RO60: variants seen among roughly 807,000 people sequenced by gnomAD.
RO60 encodes RNA-binding protein RO60.
RO60 carries 20 observed loss-of-function variants against 55.3 expected under a neutral mutation model. That is an observed-to-expected ratio of 0.36 (90% CI 0.25 to 0.53). The LOEUF (loss-of-function observed/expected upper bound fraction) is 0.53, where lower values mean the gene tolerates loss of function less well. RO60 is among the 20% of genes least tolerant of loss of function. RO60 has a pLI of 0.92. For missense variants in RO60, 558 were observed against 646.6 expected, an observed-to-expected ratio of 0.86 and a Z score of 1.49; for synonymous variants, 213 against 213.6, an observed-to-expected ratio of 1.00 and a Z score of 0.02.
rs1308552474 is a variant in RO60 at position 193,089,132 on chromosome 1, A to G, written c.*4401A>G. 1 of 152,170 alleles carries G rather than the reference A, an allele frequency of 6.6e-6. No homozygotes were observed. The highest frequency in any genetic ancestry group is 1.5e-5 in the Non-Finnish European group (1 of 68,006). The allele number at this position is 152,170 out of a possible 1,614,324, so 9.4% of individuals were successfully genotyped here. ...TTATATTGTATATCTTTTATATTAGATGTTTGCAGAAATTCTGTGGCCTTT... is the reference window on the plus strand; with the variant it reads ...TTATATTGTATATCTTTTATATTAGGTGTTTGCAGAAATTCTGTGGCCTTT... On this transcript the variant is annotated 3_prime_UTR_variant, in exon 9 of 9. Transcript: ENST00000400968.
chr1:193,065,769 T>C (rs914937822), intron 1 of RO60, among the ~76,000 whole-genome samples: 3 of 152,238 alleles, frequency 2.0e-5, no homozygotes, highest in African/African-American at 7.2e-5. Flanking sequence ...TTGTCCCTAA[T>C]GACTAATATG....
chr1:193,061,391 T>G (rs1672706880), intron 1 of RO60, among the ~76,000 whole-genome samples: 1 of 152,216 alleles, frequency 6.6e-6, no homozygotes, highest in Non-Finnish European at 1.5e-5. Flanking sequence ...TGACTTCATT[T>G]AAAAAGGAAT....
At chr1:193,070,662 G>A (rs1317546903) in intron 2 of RO60, 5 of 405,716 alleles carry the variant, frequency 1.2e-5, no homozygotes, top group African/African-American at 6.3e-5. Flanking sequence ...TTAAAAGGAG[G>A]GTAAGGAGAA....
In RO60 at chr1:193,086,147, A is replaced by G. The variant is rs1441920181; in HGVS notation, c.*1416A>G. 1.6e-6 allele frequency: 1 copy of G among 635,350 alleles called. No individual in the cohort carries two copies. The highest frequency in any genetic ancestry group is 2.0e-5 in the African/African-American group (1 of 49,984). 39.4% of individuals were successfully genotyped at this position (635,350 alleles called of 1,614,324 possible). ...AGTCAAACTGTAGTTAATGTAAATT[A>G]TAGCCTTTTAGGTGCTTGGGGGTTA... On this transcript the variant is annotated 3_prime_UTR_variant, in exon 9 of 9. Transcript: ENST00000400968.
chr1:193,074,607 G>A (rs1334014223), intron 2 of RO60, among the ~76,000 whole-genome samples: 1 of 152,016 alleles, frequency 6.6e-6, no homozygotes, highest in African/African-American at 2.4e-5. Context: ...AAATTTGTTT[G>A]AGTTCTTTGT....
chr1:193,081,813 T>C (rs1558251720), intron 6 of RO60, among the ~76,000 whole-genome samples: 2 of 152,148 alleles, frequency 1.3e-5, no homozygotes, highest in Non-Finnish European at 2.9e-5. Context: ...GCTTAAATTA[T>C]TTAACGATTT....
At position 193,069,233 on chromosome 1, in the gene RO60, C is replaced by A. The variant is rs781211559; in HGVS notation, c.179C>A (p.Ala60Asp). ...AAGTTGGGCCTTGAAAATGCTGAAG[C>A]TTTAATTAGATTGATTGAAGATGGC... ...EQKLGLENAE[A>D]LIRLIEDGRG... is the part of the protein sequence containing the mutation. The change falls in exon 2 of 9, where the codon GCT (alanine) becomes GAT (aspartate). Residue 60 changes from alanine (A) to aspartate (D), a missense_variant. Coordinates refer to ENST00000400968, the MANE Select transcript of RO60 (RefSeq NM_001173524.2). 8 of 1,614,014 alleles carry A rather than the reference C, an allele frequency of 5.0e-6. No homozygotes were observed. The Admixed American group carries it at 8.3e-5, about 17-fold the overall frequency.
At chr1:193,073,730 C>A (rs988411933) in intron 2 of RO60, among the ~76,000 whole-genome samples, 2 of 152,158 alleles carry the variant, frequency 1.3e-5, no homozygotes, top group Non-Finnish European at 1.5e-5. Flanking sequence ...TGTGCCACCA[C>A]GCCCAGCTAA....
intron 2 of RO60, chr1:193,070,755 A>T (rs908658911): frequency 1.7e-5 from 3 of 180,834 alleles, no homozygotes; most frequent in Admixed American, 1.2e-4. Flanking sequence ...TCTCCCTTCC[A>T]CACATATTTT....
Position 193,069,588 on chromosome 1 carries a change from T to C in RO60, c.534T>C (p.Ser178=). 1.2e-6 allele frequency: 2 copies of C among 1,614,106 alleles called. No homozygotes were observed. Among genetic ancestry groups the C allele is most frequent in the South Asian group, 2.2e-5 (2 of 91,074 alleles). Residue 178 remains serine, a synonymous_variant, in exon 2 of 9, where the codon TCT becomes TCC. Transcript: ENST00000400968. ...VTKYKQRNGW[S]HKDLLRLSHL... The stretch of plus-strand genomic sequence containing the variant: ...AATATAAACAGAGAAATGGCTGGTC[T>C]CACAAAGATCTATTAAGATTGTCAC...
At chr1:193,076,736 T>C (rs566800450) in intron 4 of RO60, 89 bp downstream of exon 4, 1 of 1,403,742 alleles carries the variant, frequency 7.1e-7, no homozygotes, top group African/African-American at 1.4e-5. Context: ...ATTTTTAAGG[T>C]ATTTCGAGAT....
At chr1:193,076,439 G>A (rs955047151) in intron 3 of RO60, 62 bp from the exon 4 acceptor site, 3 of 1,516,260 alleles carry the variant, frequency 2.0e-6, no homozygotes, top group South Asian at 1.2e-5. Context: ...TTTTATATAG[G>A]TATGTTATAC....
At chr1:193,091,766 A>G (rs867734555), downstream of RO60, 11 of 1,190,710 alleles carry the variant, frequency 9.2e-6, no homozygotes, top group Middle Eastern at 1.4e-3. Context: ...AATAAACTCT[A>G]TGCACATTAA....
intron 1 of RO60, among the ~76,000 whole-genome samples, chr1:193,065,015 C>T: frequency 6.6e-6 from 1 of 152,104 alleles, no homozygotes; most frequent in East Asian, 1.9e-4. Context: ...TTATATTTTT[C>T]ACTACCTGCA....
intron 1 of RO60, 76 bp from the exon 2 acceptor site, chr1:193,068,958 T>C (rs746293772): frequency 7.4e-6 from 7 of 941,802 alleles, no homozygotes; most frequent in Non-Finnish European, 1.1e-5. Flanking sequence ...AACATTTCAG[T>C]AAACCTACAT....
intron 1 of RO60, among the ~76,000 whole-genome samples, chr1:193,061,569 G>T (rs1247910069): frequency 1.3e-5 from 2 of 152,240 alleles, no homozygotes; most frequent in African/African-American, 2.4e-5. Context: ...TAGTTCTGAT[G>T]ATTGTGAAAC....
downstream of RO60, chr1:193,091,670 A>G (rs753702015): frequency 3.1e-6 from 5 of 1,611,674 alleles, no homozygotes; most frequent in Non-Finnish European, 4.2e-6. Flanking sequence ...ATACCCTACT[A>G]AATAAATCAT....
In RO60 at chr1:193,085,864, A is replaced by G; in HGVS notation, c.*1133A>G. The G allele has an allele frequency of 5.1e-6, 5 of 985,314 alleles. No homozygotes were observed. The African/African-American group carries it at 8.7e-5, about 17-fold the overall frequency. 61.0% of individuals were successfully genotyped at this position (985,314 alleles called of 1,614,324 possible). A position where few individuals can be genotyped will look rare whatever the true frequency, so the allele number is the denominator to read the frequency against. On this transcript the variant is annotated 3_prime_UTR_variant, in exon 9 of 9. Transcript: ENST00000400968. ...GCATATTACCAGCTAGCCAGTCACT[A>G]GGAATTTTTTTCAGTATTATTTGTA...
intron 2 of RO60, among the ~76,000 whole-genome samples, chr1:193,073,197 T>C (rs972703959): frequency 1.3e-5 from 2 of 152,194 alleles, no homozygotes; most frequent in African/African-American, 4.8e-5. Flanking sequence ...ATAGAAGATA[T>C]ACTCACAGGA....
Sources: gnomAD v4.1 joint callset for allele counts (sites outside exome capture counted in the v4.1 genomes callset) on GRCh38, gnomAD v4.1.1 for gene constraint, MANE v1.5 for transcripts, NCBI Gene and HGNC (gene_info 2026-07-23, HGNC 2026-07-21) for gene names.